ZFHX3: variants seen among roughly 807,000 people sequenced by gnomAD.
ZFHX3 encodes the protein zinc finger homeobox 3.
ZFHX3 carries 42 observed loss-of-function variants against 279.1 expected under a neutral mutation model. That is an observed-to-expected ratio of 0.15 (90% CI 0.12 to 0.19). The LOEUF (loss-of-function observed/expected upper bound fraction) is 0.19, where lower values mean the gene tolerates loss of function less well. Among genes scored for constraint, ZFHX3 ranks in the 10% least tolerant of loss-of-function variants. The probability of loss-of-function intolerance (pLI) is 1.00; values close to 1 mark genes in which losing one functional copy is unlikely to be tolerated. For synonymous variants in ZFHX3, 2,293 were observed against 1,957.8 expected (o/e 1.17, Z -4.52); for missense variants, 4,981 against 4,754.0 (o/e 1.05, Z -1.40).
chr16:72,878,228 C>A (rs1054049992), intron 4 of ZFHX3, among the ~76,000 whole-genome samples: 11 of 152,164 alleles, frequency 7.2e-5, no homozygotes, highest in Non-Finnish European at 1.5e-4. Flanking sequence ...AACTCACCTA[C>A]CAAAAGTCCA....
At chr16:73,276,661 G>A (rs924917744) in intron 4 of ZFHX3, among the ~76,000 whole-genome samples, 2 of 152,174 alleles carry the variant, frequency 1.3e-5, no homozygotes, top group Non-Finnish European at 1.5e-5. Flanking sequence ...TATATAGAGT[G>A]AAATGGTGTT....
intron 1 of ZFHX3, among the ~76,000 whole-genome samples, chr16:73,888,501 T>A (rs2030423955): frequency 6.6e-6 from 1 of 152,144 alleles, no homozygotes; most frequent in African/African-American, 2.4e-5. Flanking sequence ...GGAGAAAAGG[T>A]AAATAGGATT....
chr16:73,026,379 A>AAAAACAG (rs1964500921), intron 1 of ZFHX3, among the ~76,000 whole-genome samples: 2 of 151,844 alleles, frequency 1.3e-5, no homozygotes, highest in African/African-American at 4.8e-5. Context: ...TCTCAAAAAC[A>AAAAACAG]AAAACAGAAA....
intron 2 of ZFHX3, among the ~76,000 whole-genome samples, chr16:72,955,245 C>T (rs1180830802): frequency 6.6e-6 from 1 of 152,132 alleles, no homozygotes; most frequent in Non-Finnish European, 1.5e-5. Context: ...ATTCAAGAGC[C>T]CTTTGTGACT....
intron 2 of ZFHX3, among the ~76,000 whole-genome samples, chr16:73,631,054 G>A (rs927680155): frequency 1.1e-4 from 16 of 152,112 alleles, no homozygotes; most frequent in South Asian, 4.1e-4. Flanking sequence ...TTGCAGCAGC[G>A]GTAAGAAACC....
chr16:73,502,690 T>C (rs553521623), intron 2 of ZFHX3, among the ~76,000 whole-genome samples: 1 of 152,242 alleles, frequency 6.6e-6, no homozygotes, highest in Non-Finnish European at 1.5e-5. Context: ...TGTGCTGGGG[T>C]GGGAGCAATG....
chr16:73,113,497 A>T (rs772301666), intron 7 of ZFHX3, among the ~76,000 whole-genome samples: 6 of 152,320 alleles, frequency 3.9e-5, no homozygotes, highest in Non-Finnish European at 8.8e-5. Flanking sequence ...GACAGCCTGG[A>T]GAATGAGGCA....
rs117007013 is a variant in ZFHX3 at position 73,505,835 on chromosome 16, A to C, written c.-1546-49577T>G. 3.3e-5 allele frequency among the ~76,000 whole-genome samples: 5 copies of C among 152,368 alleles called. No homozygotes were observed. The South Asian group carries it at 6.2e-4, about 19-fold the overall frequency. On this transcript the variant is annotated intron_variant, in intron 2 of 17. Transcript: ENST00000641206. Reference sequence around the variant, plus strand: ...GCATTGCAGAGCACAGCCAAGGAGCAGAGACACATGAATGTGAATAGGCTC... The same window carrying C: ...GCATTGCAGAGCACAGCCAAGGAGCCGAGACACATGAATGTGAATAGGCTC...
intron 1 of ZFHX3, among the ~76,000 whole-genome samples, chr16:73,686,650 T>C (rs962398791): frequency 6.6e-6 from 1 of 152,158 alleles, no homozygotes; most frequent in African/African-American, 2.4e-5. Context: ...GCACGCAGGC[T>C]GTATTCCCTC....
In ZFHX3 at chr16:73,290,046, CACACAT is replaced by C. The variant is rs888002125; in HGVS notation, c.-1194+28188_-1194+28193del. 1.2e-4 allele frequency among the ~76,000 whole-genome samples: 9 copies of C among 76,540 alleles called. No individual in the cohort carries two copies. The South Asian group carries it at 1.5e-3, about 12-fold the overall frequency. The allele number at this position is 76,540 out of a possible 152,430, so 50.2% of individuals were successfully genotyped here. A position where few individuals can be genotyped will look rare whatever the true frequency, so the allele number is the denominator to read the frequency against. ...ACACACACACACACACACACACACA[CACACAT>C]ATAGACATTTATATACGAACTAAGA... On this transcript the variant is annotated intron_variant, in intron 4 of 17. Coordinates refer to the ZFHX3 transcript ENST00000641206.
At chr16:73,154,061 G>C (rs973697531) in intron 5 of ZFHX3, among the ~76,000 whole-genome samples, 1 of 152,124 alleles carries the variant, frequency 6.6e-6, no homozygotes, top group Non-Finnish European at 1.5e-5. Context: ...GGCTGTCAAC[G>C]TGATGCTGGG....
intron 1 of ZFHX3, among the ~76,000 whole-genome samples, chr16:73,055,703 CACACACACACACACACACAT>C (rs1425733647): frequency 9.3e-4 from 94 of 100,940 alleles, no homozygotes; most frequent in African/African-American, 2.4e-3. Flanking sequence ...CGCGCGCACA[CACACACACACACACACACAT>C]ACACACACAC....
intron 2 of ZFHX3, among the ~76,000 whole-genome samples, chr16:73,519,223 G>C (rs888121638): frequency 6.6e-6 from 1 of 151,832 alleles, no homozygotes; most frequent in African/African-American, 2.4e-5. Flanking sequence ...TAAATCAGAA[G>C]ACAGAAATTT....
chr16:73,585,100 G>C (rs1457512459), intron 2 of ZFHX3, among the ~76,000 whole-genome samples: 1 of 152,178 alleles, frequency 6.6e-6, no homozygotes, highest in Non-Finnish European at 1.5e-5. Flanking sequence ...ATTGTGGAGA[G>C]ACAGGATCAC....
chr16:73,727,235 T>A (rs2639315), intron 1 of ZFHX3, among the ~76,000 whole-genome samples: 3 of 152,138 alleles, frequency 2.0e-5, no homozygotes, highest in South Asian at 2.1e-4. Context: ...GCTGCACAAC[T>A]GGGGCCCCCC....
chr16:73,028,363 T>TG (rs1170751133), intron 1 of ZFHX3, among the ~76,000 whole-genome samples: 1 of 152,192 alleles, frequency 6.6e-6, no homozygotes, highest in East Asian at 1.9e-4. Context: ...GGAGAAGTCC[T>TG]GCCAGGAAGA....
At chr16:73,491,524 A>T (rs961754461) in intron 2 of ZFHX3, among the ~76,000 whole-genome samples, 7 of 152,198 alleles carry the variant, frequency 4.6e-5, no homozygotes, top group African/African-American at 1.7e-4. Flanking sequence ...ACCATTCAGA[A>T]ATCCGTGGCA....
At chr16:73,202,266 A>G (rs1555504007) in intron 5 of ZFHX3, among the ~76,000 whole-genome samples, 1 of 152,216 alleles carries the variant, frequency 6.6e-6, no homozygotes, top group Non-Finnish European at 1.5e-5. Flanking sequence ...AATGAACACC[A>G]TTAAAAGAAT....
In ZFHX3 at chr16:73,193,852, G is replaced by C. The variant is rs796774091; in HGVS notation, c.-1103-50021C>G. ...TAGGAATTCCCATCTGATAAGGATT[G>C]TGTAAGTATGCACCACATGCTTAAA... On this transcript the variant is annotated intron_variant, in intron 5 of 17. Coordinates refer to the ZFHX3 transcript ENST00000641206. 1.1e-3 allele frequency among the ~76,000 whole-genome samples: 164 copies of C among 152,332 alleles called. 2 individuals are homozygous for C. Among genetic ancestry groups the C allele is most frequent in the African/African-American group, 3.8e-3 (156 of 41,578 alleles).
Sources: allele counts gnomAD v4.1 joint callset (sites outside exome capture counted in the v4.1 genomes callset), GRCh38; gene constraint gnomAD v4.1.1; transcripts MANE v1.5; gene names NCBI Gene and HGNC (gene_info 2026-07-23, HGNC 2026-07-21).